LIPA: variants seen among roughly 807,000 people sequenced by gnomAD.
The protein encoded by LIPA is lysosomal acid lipase/cholesteryl ester hydrolase.
Under a neutral mutation model 40.6 loss-of-function variants are expected in LIPA, and 26 were observed. The observed-to-expected ratio is 0.64, with a 90% CI of 0.47 to 0.89. The LOEUF is 0.89. Ranked by LOEUF, LIPA falls within the 40% of genes least tolerant of loss-of-function variation. The pLI is 0.00. For missense variants in LIPA, 455 were observed against 479.6 expected, an observed-to-expected ratio of 0.95 and a Z score of 0.48; for synonymous variants, 188 against 168.4, an observed-to-expected ratio of 1.12 and a Z score of -0.90.
At chr10:89,246,050 G>C (rs1843020952) in intron 2 of LIPA, among the ~76,000 whole-genome samples, 1 of 152,018 alleles carries the variant, frequency 6.6e-6, no homozygotes, top group South Asian at 2.1e-4. Context: ...TACCAAATTT[G>C]CCTAACTTTA....
At position 89,293,496 on chromosome 10, in the gene LIPA, G is replaced by A. The variant is rs1843388872; in HGVS notation, c.-1-45847C>T. The A allele has an allele frequency of 2.6e-5, 4 of 151,584 alleles. No individual in the cohort carries two copies. In the South Asian group the frequency reaches 6.2e-4, roughly 24 times the overall value. 9.4% of individuals were successfully genotyped at this position (151,584 alleles called of 1,614,324 possible). A position where few individuals can be genotyped will look rare whatever the true frequency, so the allele number is the denominator to read the frequency against. On this transcript the variant is annotated intron_variant, in intron 1 of 5. Coordinates refer to the LIPA transcript ENST00000282673. ...CATATTGTCTAATTTATTTATTATT[G>A]TATTAGTCTACATTGGCTGCCATAA...
intron 1 of LIPA, among the ~76,000 whole-genome samples, chr10:89,322,114 A>G (rs903317885): frequency 2.6e-5 from 4 of 152,204 alleles, no homozygotes; most frequent in African/African-American, 9.7e-5. Context: ...GATATACCTA[A>G]TGTAAATGAC....
At chr10:89,223,170 A>C (rs1416517868) in intron 7 of LIPA, among the ~76,000 whole-genome samples, 1 of 152,102 alleles carries the variant, frequency 6.6e-6, no homozygotes, top group East Asian at 1.9e-4. Context: ...AATTTTTGAA[A>C]ATTTGTGTAT....
At chr10:89,398,631 T>C (rs1844378812) in intron 2 of LIPA, among the ~76,000 whole-genome samples, 2 of 152,238 alleles carry the variant, frequency 1.3e-5, no homozygotes, top group East Asian at 1.9e-4. Flanking sequence ...TCATACAATA[T>C]TGTCCTTTTG....
upstream of LIPA, chr10:89,414,626 G>A (rs896218590): frequency 3.6e-6 from 2 of 551,202 alleles, no homozygotes; most frequent in African/African-American, 4.0e-5. Context: ...GCTGGGGCTG[G>A]GGTCTCTCCT....
At chr10:89,381,827 C>A (rs1397656835) in intron 2 of LIPA, among the ~76,000 whole-genome samples, 1 of 152,018 alleles carries the variant, frequency 6.6e-6, no homozygotes, top group East Asian at 1.9e-4. Flanking sequence ...GCTCTGTTGC[C>A]CAGCCTGGAG....
At chr10:89,241,492 G>A (rs1346029750) in intron 3 of LIPA, among the ~76,000 whole-genome samples, 2 of 152,222 alleles carry the variant, frequency 1.3e-5, no homozygotes, top group Non-Finnish European at 2.9e-5. Context: ...CTTTAGAAGT[G>A]AAGGATTTTT....
intron 5 of LIPA, 43 bp from the exon 6 acceptor site, chr10:89,225,271 G>T: frequency 6.2e-7 from 1 of 1,612,970 alleles, no homozygotes; most frequent in South Asian, 1.1e-5. Context: ...CATCATCTGG[G>T]ATTTCCTTCT....
intron 3 of LIPA, among the ~76,000 whole-genome samples, chr10:89,230,857 G>A (rs1170676823): frequency 2.0e-5 from 3 of 152,174 alleles, no homozygotes; most frequent in Non-Finnish European, 2.9e-5. Flanking sequence ...ACCAGTCTGC[G>A]TCTCAGTTCC....
Position 89,250,098 on chromosome 10 carries a change from C to CTTTCTTTTTTTTTTTTTTTT in LIPA, c.-2+1638_-2+1639insAAAAAAAAAAAAAAAAGAAA, listed in dbSNP as rs1564767178. The stretch of plus-strand genomic sequence containing the variant: ...TCTTTTTTCTTTTTCTTTTTCTTTT[C>CTTTCTTTTTTTTTTTTTTTT]TTTTCTTTCTTTTTTTTTTTTGAGA... On this transcript the variant is annotated intron_variant, in intron 1 of 9. Transcript: ENST00000336233. 1.2e-4 allele frequency among the ~76,000 whole-genome samples: 12 copies of CTTTCTTTTTTTTTTTTTTTT among 101,676 alleles called. 1 individual carries two copies. The highest frequency in any genetic ancestry group is 2.6e-4 in the East Asian group (1 of 3,864). The allele number at this position is 101,676 out of a possible 152,430, so 66.7% of individuals were successfully genotyped here.
At chr10:89,246,935 A>G (rs187327956) in intron 2 of LIPA, among the ~76,000 whole-genome samples, 88 of 152,316 alleles carry the variant, frequency 5.8e-4, no homozygotes, top group African/African-American at 2.0e-3. Flanking sequence ...TATAGTTTAA[A>G]CAAACTTAGT....
chr10:89,294,430 A>C (rs911428510), intron 1 of LIPA, among the ~76,000 whole-genome samples: 1 of 152,220 alleles, frequency 6.6e-6, no homozygotes, highest in Non-Finnish European at 1.5e-5. Context: ...CCCATGATGG[A>C]AGGGTAAATA....
At chr10:89,218,548 C>T (rs918007096) in intron 8 of LIPA, among the ~76,000 whole-genome samples, 3 of 152,202 alleles carry the variant, frequency 2.0e-5, no homozygotes, top group South Asian at 2.1e-4. Context: ...CATCCTCATC[C>T]TCCTGCGAGC....
chr10:89,382,349 G>A (rs1283162172), intron 2 of LIPA, among the ~76,000 whole-genome samples: 1 of 152,136 alleles, frequency 6.6e-6, no homozygotes, highest in African/African-American at 2.4e-5. Flanking sequence ...CATAGGATGT[G>A]AGGACCACTT....
chr10:89,301,926 G>C (rs963424209), intron 1 of LIPA: 7 of 519,830 alleles, frequency 1.3e-5, no homozygotes, highest in Middle Eastern at 4.6e-4. Context: ...AAAAGAAAAA[G>C]AGTCCTGCCA....
At chr10:89,366,172 T>G (rs1844055543) in intron 2 of LIPA, among the ~76,000 whole-genome samples, 2 of 152,212 alleles carry the variant, frequency 1.3e-5, no homozygotes, top group South Asian at 4.1e-4. Flanking sequence ...TTCACATCCC[T>G]TGTAAGTTGG....
At position 89,245,722 on chromosome 10, in the gene LIPA, C is replaced by G. The variant is rs1843014996; in HGVS notation, c.183G>C (p.Leu61=). 1.9e-6 allele frequency: 3 copies of G among 1,605,678 alleles called. No individual in the cohort carries two copies. In the African/African-American group the frequency reaches 4.0e-5, roughly 21 times the overall value. ...YLVETEDGYI[L]CLNRIPHGRK... ...TCCCATGAGGAATTCGGTTAAGGCA[C>G]AGAATATATCCATCTTCTGTCTCAA... The change falls in exon 3 of 10, where the codon CTG becomes CTC. Residue 61 remains leucine (L), a synonymous_variant. Coordinates refer to ENST00000336233, the MANE Select transcript of LIPA (RefSeq NM_000235.4).
intron 3 of LIPA, among the ~76,000 whole-genome samples, chr10:89,236,120 G>A (rs1368936766): frequency 2.0e-5 from 3 of 151,960 alleles, no homozygotes; most frequent in Non-Finnish European, 2.9e-5. Flanking sequence ...TTTAGATATT[G>A]GCCTTTTTTA....
intron 1 of LIPA, among the ~76,000 whole-genome samples, chr10:89,295,015 T>TAAG (rs1843404066): frequency 1.7e-5 from 1 of 60,260 alleles, no homozygotes; most frequent in East Asian, 3.0e-4. Flanking sequence ...GGAAAGGAAA[T>TAAG]GAAATGAAAG....
Sources: allele counts gnomAD v4.1 joint callset (sites outside exome capture counted in the v4.1 genomes callset), GRCh38; gene constraint gnomAD v4.1.1; transcripts MANE v1.5; gene names NCBI Gene and HGNC (gene_info 2026-07-23, HGNC 2026-07-21).